PCDH9: variants seen among roughly 807,000 people sequenced by gnomAD.
PCDH9 encodes protocadherin-9.
Under a neutral mutation model 70.6 loss-of-function variants are expected in PCDH9, and 24 were observed. That is an observed-to-expected ratio of 0.34 (90% CI 0.25 to 0.48). The LOEUF is 0.48. Among genes scored for constraint, PCDH9 ranks in the 20% least tolerant of loss-of-function variants. The pLI, the probability that PCDH9 is intolerant of heterozygous loss-of-function variation, is 0.99. For synonymous variants in PCDH9, 562 were observed against 558.5 expected (o/e 1.01, Z -0.09); for missense variants, 1,281 against 1,503.6 (o/e 0.85, Z 2.45).
At chr13:66,361,526 T>G (rs1010133762) in intron 4 of PCDH9, among the ~76,000 whole-genome samples, 2 of 152,222 alleles carry the variant, frequency 1.3e-5, no homozygotes, top group Middle Eastern at 3.4e-3. Context: ...TGAACAGGAT[T>G]TTTTTTCTAA....
At chr13:67,034,007 C>T (rs1006046674) in intron 2 of PCDH9, among the ~76,000 whole-genome samples, 2 of 152,062 alleles carry the variant, frequency 1.3e-5, no homozygotes, top group African/African-American at 2.4e-5. Flanking sequence ...TTTTTTGAGA[C>T]AGAGTCTTGC....
intron 2 of PCDH9, among the ~76,000 whole-genome samples, chr13:66,982,104 G>A (rs1235217543): frequency 6.6e-6 from 1 of 152,112 alleles, no homozygotes; most frequent in Non-Finnish European, 1.5e-5. Context: ...TTAAAGGCAT[G>A]TGGCACCCCT....
chr13:66,973,368 G>C (rs2083558650), intron 2 of PCDH9, among the ~76,000 whole-genome samples: 1 of 151,730 alleles, frequency 6.6e-6, no homozygotes. Context: ...AAGAACAAAA[G>C]CAAACTGTTA....
chr13:67,207,643 G>C (rs1220645917), intron 2 of PCDH9: 1 of 152,140 alleles, frequency 6.6e-6, no homozygotes, highest in East Asian at 1.9e-4. Flanking sequence ...TCTTTACAAA[G>C]CCTCAAATAT....
At chr13:66,848,875 C>T (rs1006738797) in intron 3 of PCDH9, among the ~76,000 whole-genome samples, 8 of 148,006 alleles carry the variant, frequency 5.4e-5, no homozygotes, top group African/African-American at 2.0e-4. Context: ...TTGCAGTGAG[C>T]CGAGATCGCA....
At chr13:67,222,808 C>T (rs2089759870) in intron 2 of PCDH9, 1 of 152,032 alleles carries the variant, frequency 6.6e-6, no homozygotes, top group Non-Finnish European at 1.5e-5. Flanking sequence ...AAAGTTTTTA[C>T]TTTTTAGCTT....
At chr13:66,443,677 C>A (rs921059808) in intron 4 of PCDH9, among the ~76,000 whole-genome samples, 2 of 151,922 alleles carry the variant, frequency 1.3e-5, no homozygotes, top group African/African-American at 2.4e-5. Context: ...AGCTTGTCTT[C>A]AGTTCTTGGT....
chr13:67,180,832 C>G (rs956114626), intron 2 of PCDH9, among the ~76,000 whole-genome samples: 3 of 152,108 alleles, frequency 2.0e-5, no homozygotes, highest in Admixed American at 2.0e-4. Context: ...TTTCACACTC[C>G]CTGAACATTT....
intron 2 of PCDH9, among the ~76,000 whole-genome samples, chr13:67,154,889 A>T (rs1425499476): frequency 2.0e-5 from 3 of 151,566 alleles, no homozygotes; most frequent in Non-Finnish European, 4.4e-5. Context: ...ATTTTTAGTA[A>T]TGCAAAAGAG....
intron 4 of PCDH9, among the ~76,000 whole-genome samples, chr13:66,543,803 C>T (rs1323015062): frequency 1.3e-5 from 2 of 152,132 alleles, no homozygotes; most frequent in Non-Finnish European, 2.9e-5. Context: ...CACAGTGGTG[C>T]TGTGCTACAA....
chr13:66,825,349 T>TG (rs1313407812), intron 3 of PCDH9: 2 of 145,084 alleles, frequency 1.4e-5, no homozygotes, highest in African/African-American at 2.5e-5. Flanking sequence ...TTTTTTTTTT[T>TG]TTTTTGAGAC....
intron 2 of PCDH9, among the ~76,000 whole-genome samples, chr13:66,984,702 A>G (rs1383204881): frequency 1.3e-5 from 2 of 152,184 alleles, no homozygotes; most frequent in Admixed American, 1.3e-4. Flanking sequence ...CAAAGGGAAT[A>G]ATTTAACTAT....
At chr13:67,089,369 G>C (rs1478499042) in intron 2 of PCDH9, among the ~76,000 whole-genome samples, 1 of 151,932 alleles carries the variant, frequency 6.6e-6, no homozygotes. Flanking sequence ...TCTCATTGAT[G>C]AGATAGCATA....
intron 3 of PCDH9, among the ~76,000 whole-genome samples, chr13:66,849,828 C>A (rs1163556915): frequency 1.3e-5 from 2 of 152,092 alleles, no homozygotes; most frequent in Admixed American, 1.3e-4. Context: ...TCAAGAAGAG[C>A]TACCAGAAAC....
intron 4 of PCDH9, among the ~76,000 whole-genome samples, chr13:66,354,332 T>C (rs1956343954): frequency 6.6e-6 from 1 of 152,152 alleles, no homozygotes; most frequent in Non-Finnish European, 1.5e-5. Flanking sequence ...ACTATACCAA[T>C]CCATTAAAGA....
chr13:66,505,530 T>G (rs1022546809), intron 4 of PCDH9, among the ~76,000 whole-genome samples: 3 of 151,052 alleles, frequency 2.0e-5, no homozygotes, highest in African/African-American at 7.3e-5. Context: ...CCAAACCATA[T>G]CAGAGATTTA....
chr13:66,439,162 G>A (rs753729249), intron 4 of PCDH9, among the ~76,000 whole-genome samples: 2 of 152,008 alleles, frequency 1.3e-5, no homozygotes, highest in Non-Finnish European at 2.9e-5. Context: ...CCTATTGCCC[G>A]TTTCTAGCCC....
chr13:66,460,181 C>T (rs542033462), intron 4 of PCDH9, among the ~76,000 whole-genome samples: 7 of 151,900 alleles, frequency 4.6e-5, no homozygotes, highest in Non-Finnish European at 8.8e-5. Context: ...TGGAAATTAG[C>T]ATGACAGAAA....
At chr13:66,621,272 A>G (rs946371079) in intron 4 of PCDH9, among the ~76,000 whole-genome samples, 2 of 152,202 alleles carry the variant, frequency 1.3e-5, no homozygotes, top group African/African-American at 2.4e-5. Flanking sequence ...TGATACAGAC[A>G]TACTATAGAG....
Sources: gnomAD v4.1 joint callset for allele counts (sites outside exome capture counted in the v4.1 genomes callset) on GRCh38, gnomAD v4.1.1 for gene constraint, MANE v1.5 for transcripts, NCBI Gene and HGNC (gene_info 2026-07-23, HGNC 2026-07-21) for gene names.